PHF5A: variants seen among roughly 807,000 people sequenced by gnomAD.
PHF5A encodes the protein PHD finger-like domain-containing protein 5A.
For synonymous variants in PHF5A, 52 were observed against 46.0 expected, an observed-to-expected ratio of 1.13 and a Z score of -0.52; for missense variants, 24 against 140.6, an observed-to-expected ratio of 0.17 and a Z score of 4.19.
chr22:41,468,265 C>A (rs2037888768), intron 1 of PHF5A, 118 bp from the exon 2 acceptor site: 1 of 898,078 alleles, frequency 1.1e-6, no homozygotes, highest in African/African-American at 1.7e-5. Flanking sequence ...GTGAGACCTG[C>A]GGATAGCCAT....
At chr22:41,466,576 T>G (rs188573303) in intron 3 of PHF5A, among the ~76,000 whole-genome samples, 210 of 152,168 alleles carry the variant, frequency 1.4e-3, no homozygotes, top group African/African-American at 4.9e-3. Context: ...CAGGCTGGAG[T>G]GCAGTGGCGT....
intron 3 of PHF5A, among the ~76,000 whole-genome samples, chr22:41,461,309 A>G (rs1011730199): frequency 1.3e-5 from 2 of 152,226 alleles, no homozygotes; most frequent in Middle Eastern, 6.8e-3. Flanking sequence ...CCTACCCTCT[A>G]TCCAATGACT....
At chr22:41,460,939 G>A (rs1275646447) in intron 3 of PHF5A, among the ~76,000 whole-genome samples, 7 of 152,136 alleles carry the variant, frequency 4.6e-5, no homozygotes, top group Admixed American at 6.6e-5. Context: ...TTGGGAGGCC[G>A]AGGCAGGTGG....
intron 1 of PHF5A, 60 bp downstream of exon 1, chr22:41,468,542 G>A: frequency 6.4e-7 from 1 of 1,572,142 alleles, no homozygotes; most frequent in South Asian, 1.1e-5. Context: ...GGGAACCCCC[G>A]ACCCCCCAGC....
intron 2 of PHF5A, 126 bp from the exon 3 acceptor site, chr22:41,467,740 T>G: frequency 4.2e-5 from 47 of 1,113,054 alleles, no homozygotes; most frequent in Non-Finnish European, 5.8e-5. Context: ...TTTAGGGCCC[T>G]CCTCTTGGCA....
In PHF5A at chr22:41,460,029, T is replaced by G. The variant is rs1281315423; in HGVS notation, c.*369A>C. On this transcript the variant is annotated 3_prime_UTR_variant, in exon 4 of 4. Coordinates refer to ENST00000216252, the MANE Select transcript of PHF5A (RefSeq NM_032758.4). ...GCTGCTGCAAGAACATGTTTTTCAC[T>G]GGGCGTCGCTTCACAGTCAGTTCCT... The G allele has an allele frequency of 2.6e-5, 4 of 151,014 alleles. No individual in the cohort carries two copies. The highest frequency in any genetic ancestry group is 9.8e-5 in the African/African-American group (4 of 40,680). The allele number at this position is 151,014 out of a possible 1,614,324, so 9.4% of individuals were successfully genotyped here.
At chr22:41,468,322 C>T (rs1019633163) in intron 1 of PHF5A, 175 bp from the exon 2 acceptor site, 1 of 669,134 alleles carries the variant, frequency 1.5e-6, no homozygotes, top group East Asian at 2.7e-5. Context: ...ATCCAAGCAC[C>T]CTCCTGAATC....
Position 41,468,059 on chromosome 22 carries a change from T to C in PHF5A, c.76+65A>G, listed in dbSNP as rs1601868477. ...ACTCAAAGCCCTCTTTGTGGCACTT[T>C]TGCTGGTTCCACAGAAAACTGGGAG... On this transcript the variant is annotated intron_variant, in intron 2 of 3. Coordinates refer to ENST00000216252, the MANE Select transcript of PHF5A (RefSeq NM_032758.4). 3.8e-6 allele frequency: 6 copies of C among 1,572,024 alleles called. No individual in the cohort carries two copies. The East Asian group carries it at 1.3e-4, about 35-fold the overall frequency.
In PHF5A at chr22:41,468,656, C is replaced by G. The variant is rs2037896937; in HGVS notation, c.-3G>C. ...AAATCAGGATGATGTTTAGCCATAG[C>G]TCCTAACTAAGCCGGCCACCGGAAG... On this transcript the variant is annotated 5_prime_UTR_variant, in exon 1 of 4. Transcript: ENST00000216252. 4.3e-6 allele frequency: 7 copies of G among 1,614,100 alleles called. No homozygotes were observed. Among genetic ancestry groups the G allele is most frequent in the Non-Finnish European group, 5.9e-6 (7 of 1,180,036 alleles).
At chr22:41,468,482 T>A in intron 1 of PHF5A, 120 bp downstream of exon 1, 1 of 1,171,376 alleles carries the variant, frequency 8.5e-7, no homozygotes, top group Admixed American at 2.1e-5. Context: ...ACCCCGCGCC[T>A]GAGAGGCGGG....
rs2037813473 is a variant in PHF5A, at chr22:41,459,914, C to CCCT, written c.*483_*484insAGG. 9.2e-6 allele frequency: 1 copy of CCCT among 109,178 alleles called. No homozygotes were observed. The highest frequency in any genetic ancestry group is 3.7e-5 in the African/African-American group (1 of 27,300). 6.8% of individuals were successfully genotyped at this position (109,178 alleles called of 1,614,324 possible). A position where few individuals can be genotyped will look rare whatever the true frequency, so the allele number is the denominator to read the frequency against. Reference sequence around the variant, plus strand: ...GGCAGAGCCCTGCCCCCCCACCCCCCCCCCAAAAAAAACGGGAAATGCCTA... The same window carrying CCCT: ...GGCAGAGCCCTGCCCCCCCACCCCCCCCTCCCCAAAAAAAACGGGAAATGCCTA... On this transcript the variant is annotated 3_prime_UTR_variant, in exon 4 of 4. Transcript: ENST00000216252.
At chr22:41,468,417 C>T (rs933984929) in intron 1 of PHF5A, 185 bp downstream of exon 1, 28 of 679,518 alleles carry the variant, frequency 4.1e-5, no homozygotes, top group Non-Finnish European at 5.5e-5. Context: ...GCTCCCAGCA[C>T]GCGCACCCCC....
intron 3 of PHF5A, among the ~76,000 whole-genome samples, chr22:41,460,998 C>T (rs2037823026): frequency 6.6e-6 from 1 of 152,060 alleles, no homozygotes; most frequent in Non-Finnish European, 1.5e-5. Flanking sequence ...CATGGTAAAA[C>T]CCCGTCTCTA....
At chr22:41,461,707 A>G (rs2037829094) in intron 3 of PHF5A, among the ~76,000 whole-genome samples, 1 of 149,836 alleles carries the variant, frequency 6.7e-6, no homozygotes, top group African/African-American at 2.5e-5. Context: ...TCTGTTGCCA[A>G]GCTGGAGAGC....
intron 3 of PHF5A, among the ~76,000 whole-genome samples, chr22:41,463,812 T>C (rs1439847038): frequency 6.6e-6 from 1 of 151,098 alleles, no homozygotes; most frequent in Admixed American, 6.6e-5. Flanking sequence ...GAGAATCGCT[T>C]GAACCTGGGA....
At position 41,460,376 on chromosome 22, in the gene PHF5A, G is replaced by A. The variant is rs752594319; in HGVS notation, c.*22C>T. On this transcript the variant is annotated 3_prime_UTR_variant, in exon 4 of 4. Coordinates refer to ENST00000216252, the MANE Select transcript of PHF5A (RefSeq NM_032758.4). Reference sequence around the variant, plus strand: ...CAGCTGCAGCAGACTGATGTTGGGGGGAGGAAGGGGCCACCCACCAATCAC... The same window carrying A: ...CAGCTGCAGCAGACTGATGTTGGGGAGAGGAAGGGGCCACCCACCAATCAC... 1.3e-6 allele frequency: 2 copies of A among 1,574,250 alleles called. No homozygotes were observed. The highest frequency in any genetic ancestry group is 1.7e-6 in the Non-Finnish European group (2 of 1,151,308).
At chr22:41,466,751 GAGGCTAAGGC>G (rs1348900098) in intron 3 of PHF5A, among the ~76,000 whole-genome samples, 1 of 152,150 alleles carries the variant, frequency 6.6e-6, no homozygotes, top group Non-Finnish European at 1.5e-5. Flanking sequence ...AGCACTTGGT[GAGGCTAAGGC>G]AGGAGGATCA....
chr22:41,461,427 C>T (rs1297270163), intron 3 of PHF5A, among the ~76,000 whole-genome samples: 1 of 148,562 alleles, frequency 6.7e-6, no homozygotes, highest in Non-Finnish European at 1.5e-5. Context: ...CTCGCTCTGT[C>T]GCCAGGCTGG....
At chr22:41,467,387 T>C (rs1172187299) in intron 3 of PHF5A, 61 bp downstream of exon 3, 3 of 1,528,710 alleles carry the variant, frequency 2.0e-6, no homozygotes, top group African/African-American at 1.4e-5. Flanking sequence ...GAGATTGCAG[T>C]GGATGGCAAA....
Sources: allele counts gnomAD v4.1 joint callset (sites outside exome capture counted in the v4.1 genomes callset), GRCh38; gene constraint gnomAD v4.1.1; transcripts MANE v1.5; gene names NCBI Gene and HGNC (gene_info 2026-07-23, HGNC 2026-07-21).